Variants in CCDC90B observed in about 807,000 individuals in gnomAD.
The protein encoded by CCDC90B is coiled-coil domain-containing protein 90B, mitochondrial.
Under a neutral mutation model 37.0 loss-of-function variants are expected in CCDC90B, and 24 were observed. That is an observed-to-expected ratio of 0.65 (90% CI 0.47 to 0.91). The LOEUF is 0.91. Ranked by LOEUF, CCDC90B falls within the 40% of genes least tolerant of loss-of-function variation. The pLI is 0.00. For synonymous variants in CCDC90B, 113 were observed against 101.1 expected (o/e 1.12, Z -0.71); for missense variants, 319 against 299.0 (o/e 1.07, Z -0.49).
In CCDC90B at chr11:83,264,293, G is replaced by A. The variant is rs181669554; in HGVS notation, c.709+1572C>T. On this transcript the variant is annotated intron_variant, in intron 8 of 8. Coordinates refer to ENST00000529689, the MANE Select transcript of CCDC90B (RefSeq NM_021825.5). ...CTGTGTGGAAAGAAATAGGACATTT[G>A]GTTAAACTTTAAAAAGTTGTAGACT... 4.8e-3 allele frequency among the ~76,000 whole-genome samples: 733 copies of A among 152,098 alleles called. 5 individuals are homozygous for A. The highest frequency in any genetic ancestry group is 8.0e-3 in the Non-Finnish European group (546 of 67,984).
chr11:83,275,871 TG>T lies in CCDC90B; in HGVS notation c.325-1132del, dbSNP rs550848861. Among the ~76,000 whole-genome samples the T allele has an allele frequency of 5.3e-5, 8 of 152,282 alleles. No individual in the cohort carries two copies. The East Asian group carries it at 1.5e-3, about 29-fold the overall frequency. On this transcript the variant is annotated intron_variant, in intron 3 of 8. Coordinates refer to ENST00000529689, the MANE Select transcript of CCDC90B (RefSeq NM_021825.5). Reference sequence around the variant, plus strand: ...CAGTACCTGGTACAACTTAAAGAGTTGTTTTGAGGATTAAATGAGATTATGT... The same window carrying T: ...CAGTACCTGGTACAACTTAAAGAGTTTTTTGAGGATTAAATGAGATTATGT...
At chr11:83,273,756 G>C in intron 6 of CCDC90B, 37 bp downstream of exon 6, 1 of 1,601,094 alleles carries the variant, frequency 6.2e-7, no homozygotes, top group Non-Finnish European at 8.5e-7. Context: ...TAAAAAAGGA[G>C]TAAGTAACCA....
intron 8 of CCDC90B, among the ~76,000 whole-genome samples, chr11:83,264,245 T>C (rs1326446673): frequency 6.6e-6 from 1 of 152,234 alleles, no homozygotes; most frequent in Non-Finnish European, 1.5e-5. Context: ...TAGGGAATAC[T>C]GTGCTTTCTA....
intron 3 of CCDC90B, among the ~76,000 whole-genome samples, chr11:83,278,138 T>G (rs898678384): frequency 3.9e-5 from 6 of 152,220 alleles, no homozygotes; most frequent in Non-Finnish European, 5.9e-5. Flanking sequence ...TGAGCCTGTC[T>G]TCAGTGGCCA....
Position 83,278,747 on chromosome 11 carries a change from C to T in CCDC90B, c.303G>A (p.Glu101=). The change falls in exon 3 of 9, where the codon GAG becomes GAA. Residue 101 remains glutamate (E), a synonymous_variant. Coordinates refer to ENST00000529689, the MANE Select transcript of CCDC90B (RefSeq NM_021825.5). Reference sequence around the variant, plus strand: ...TTACCTGTTGAGCTTGAGTGACCATCTCTTTATAGATAGTATCCAGGCTGA... The same window carrying T: ...TTACCTGTTGAGCTTGAGTGACCATTTCTTTATAGATAGTATCCAGGCTGA... ...SNVSLDTIYK[E]MVTQAQQEIT... is the part of the protein sequence containing the mutation. 1.2e-6 allele frequency: 2 copies of T among 1,610,954 alleles called. No homozygotes were observed. Among genetic ancestry groups the T allele is most frequent in the East Asian group, 2.2e-5 (1 of 44,776 alleles).
intron 3 of CCDC90B, among the ~76,000 whole-genome samples, chr11:83,277,607 C>A (rs761671484): frequency 6.6e-6 from 1 of 151,996 alleles, no homozygotes; most frequent in East Asian, 1.9e-4. Context: ...CTCAGCCTCC[C>A]GAGGAGCTGG....
rs1863840126 is a variant in CCDC90B, at chr11:83,259,542, A to T, written c.*2369T>A. The T allele has an allele frequency of 6.6e-6, 1 of 152,218 alleles. No homozygotes were observed. The highest frequency in any genetic ancestry group is 2.1e-4 in the South Asian group (1 of 4,832). The allele number at this position is 152,218 out of a possible 1,614,324, so 9.4% of individuals were successfully genotyped here. On this transcript the variant is annotated 3_prime_UTR_variant, in exon 9 of 9. Transcript: ENST00000529689. Reference sequence around the variant, plus strand: ...TATTTGTTGGGGCTTGAGAAGGTCCAATAAATGGCATACCTCCTTTCCATT... The same window carrying T: ...TATTTGTTGGGGCTTGAGAAGGTCCTATAAATGGCATACCTCCTTTCCATT...
chr11:83,264,771 T>C (rs1352073250), intron 8 of CCDC90B, among the ~76,000 whole-genome samples: 3 of 151,900 alleles, frequency 2.0e-5, no homozygotes, highest in South Asian at 2.1e-4. Flanking sequence ...TGGAATACTA[T>C]GCAGCCATAA....
intron 1 of CCDC90B, among the ~76,000 whole-genome samples, chr11:83,281,600 T>A (rs1323896564): frequency 6.6e-6 from 1 of 152,152 alleles, no homozygotes; most frequent in East Asian, 1.9e-4. Flanking sequence ...CACTTGAATG[T>A]CATCTAGAAG....
chr11:83,273,604 CACAAGAACTG>C, intron 7 of CCDC90B, 33 bp downstream of exon 7: 1 of 1,443,964 alleles, frequency 6.9e-7, no homozygotes, highest in Non-Finnish European at 9.5e-7. Flanking sequence ...TTATACAAGG[CACAAGAACTG>C]TACAAAAGAG....
rs1343908643 is a variant in CCDC90B at position 83,283,224 on chromosome 11, A to C, written c.100+2649T>G. 3.3e-5 allele frequency among the ~76,000 whole-genome samples: 5 copies of C among 152,224 alleles called. 1 individual carries two copies. In the East Asian group the frequency reaches 9.6e-4, roughly 29 times the overall value. On this transcript the variant is annotated intron_variant, in intron 1 of 8. Transcript: ENST00000529689. ...GCACTGTGCTTGGCATTATGTATAC[A>C]CAATGATGAATAATACAAAGGAGAA...
In CCDC90B at chr11:83,285,201, C is replaced by A. The variant is rs1415320344; in HGVS notation, c.100+672G>T. The A allele has an allele frequency of 2.3e-6, 3 of 1,285,784 alleles. No individual in the cohort carries two copies. In the South Asian group the frequency reaches 3.7e-5, roughly 16 times the overall value. The allele number at this position is 1,285,784 out of a possible 1,614,324, so 79.6% of individuals were successfully genotyped here. Reference sequence around the variant, plus strand: ...GCCTATTTTGTGGACAACCTTAAAACGGTTTAAAAACTGGGAGGGAAGTTA... The same window carrying A: ...GCCTATTTTGTGGACAACCTTAAAAAGGTTTAAAAACTGGGAGGGAAGTTA... On this transcript the variant is annotated intron_variant, in intron 1 of 8. Transcript: ENST00000529689.
intron 7 of CCDC90B, among the ~76,000 whole-genome samples, chr11:83,269,392 CA>C (rs1864506037): frequency 6.6e-6 from 1 of 151,508 alleles, no homozygotes; most frequent in African/African-American, 2.4e-5. Flanking sequence ...AAAAGATCAA[CA>C]AAATTGATAG....
chr11:83,281,698 T>C (rs1426018648), intron 1 of CCDC90B, among the ~76,000 whole-genome samples: 1 of 152,110 alleles, frequency 6.6e-6, no homozygotes, highest in Non-Finnish European at 1.5e-5. Context: ...CAGATTTCAG[T>C]AGTTTCAATA....
intron 8 of CCDC90B, among the ~76,000 whole-genome samples, chr11:83,263,868 A>G (rs578842): frequency 0.72 from 109,512 of 152,096 alleles, 40,206 homozygotes; most frequent in African/African-American, 0.85. Context: ...CTTGTGCCCC[A>G]TCCACGGTTC....
chr11:83,284,997 C>T (rs1326845807), intron 1 of CCDC90B: 6 of 449,256 alleles, frequency 1.3e-5, no homozygotes, highest in Admixed American at 1.1e-4. Flanking sequence ...GGAGGATCAA[C>T]AACTGCAGTT....
In CCDC90B at chr11:83,260,167, C is replaced by G. The variant is rs528361598; in HGVS notation, c.*1744G>C. 6.6e-6 allele frequency: 1 copy of G among 152,260 alleles called. No homozygotes were observed. The highest frequency in any genetic ancestry group is 2.4e-5 in the African/African-American group (1 of 41,550). The allele number at this position is 152,260 out of a possible 1,614,324, so 9.4% of individuals were successfully genotyped here. ...CTTCACATGGAGGAAAGACGCATTC[C>G]CTCTTAATATTTTAGAATATTTTAA... On this transcript the variant is annotated 3_prime_UTR_variant, in exon 9 of 9. Coordinates refer to ENST00000529689, the MANE Select transcript of CCDC90B (RefSeq NM_021825.5).
At position 83,260,114 on chromosome 11, in the gene CCDC90B, G is replaced by A. The variant is rs1180815274; in HGVS notation, c.*1797C>T. On this transcript the variant is annotated 3_prime_UTR_variant, in exon 9 of 9. Coordinates refer to ENST00000529689, the MANE Select transcript of CCDC90B (RefSeq NM_021825.5). ...CAGAGTGGATAAGGGGATGAAGAGT[G>A]ACGACAGTGTTATGCTACTGGAGCT... The A allele has an allele frequency of 2.0e-5, 3 of 152,254 alleles. No homozygotes were observed. The highest frequency in any genetic ancestry group is 2.9e-5 in the Non-Finnish European group (2 of 68,054). 9.4% of individuals were successfully genotyped at this position (152,254 alleles called of 1,614,324 possible). A position where few individuals can be genotyped will look rare whatever the true frequency, so the allele number is the denominator to read the frequency against.
chr11:83,269,220 C>T (rs1292480565), intron 7 of CCDC90B, among the ~76,000 whole-genome samples: 1 of 152,064 alleles, frequency 6.6e-6, no homozygotes. Flanking sequence ...GAAGCAAGAG[C>T]AAACACATTC....
Sources: allele counts gnomAD v4.1 joint callset (sites outside exome capture counted in the v4.1 genomes callset), GRCh38; gene constraint gnomAD v4.1.1; transcripts MANE v1.5; gene names NCBI Gene and HGNC (gene_info 2026-07-23, HGNC 2026-07-21).